The following TLL1 variants were observed in gnomAD, a reference collection of about 807,000 sequenced individuals.
TLL1 encodes tolloid-like protein 1.
In TLL1, 49 loss-of-function variants were observed where a neutral mutation model predicts 128.2. That is an observed-to-expected ratio of 0.38 (90% CI 0.30 to 0.48). The LOEUF is 0.48. Among genes scored for constraint, TLL1 ranks in the 20% least tolerant of loss-of-function variants. The pLI, the probability that TLL1 is intolerant of heterozygous loss-of-function variation, is 0.96. For missense variants in TLL1, 1,123 were observed against 1,242.0 expected (o/e 0.90, Z 1.44); for synonymous variants, 454 against 418.8 (o/e 1.08, Z -1.03).
intron 1 of TLL1, among the ~76,000 whole-genome samples, chr4:165,981,048 A>T (rs1736126367): frequency 6.6e-6 from 1 of 152,178 alleles, no homozygotes; most frequent in Non-Finnish European, 1.5e-5. Context: ...TTGGTGAACT[A>T]CTGTATTTCT....
intron 1 of TLL1, among the ~76,000 whole-genome samples, chr4:165,924,242 A>C (rs1175010053): frequency 6.6e-6 from 1 of 152,218 alleles, no homozygotes; most frequent in Non-Finnish European, 1.5e-5. Context: ...AGTATGTCCA[A>C]AGCCGAGATA....
chr4:166,039,298 A>G (rs758431533), intron 9 of TLL1, 41 bp from the exon 10 acceptor site: 1 of 1,407,364 alleles, frequency 7.1e-7, no homozygotes, highest in African/African-American at 1.4e-5. Flanking sequence ...ATGTAGATAC[A>G]ATCATTTTTA....
At chr4:165,874,174 G>A in intron 1 of TLL1, 101 bp downstream of exon 1, 1 of 1,431,152 alleles carries the variant, frequency 7.0e-7, no homozygotes, top group East Asian at 2.3e-5. Flanking sequence ...TCCCTCCCGC[G>A]TCAGCCCCTC....
At chr4:166,019,323 G>A (rs1332863001) in intron 8 of TLL1, among the ~76,000 whole-genome samples, 5 of 152,088 alleles carry the variant, frequency 3.3e-5, no homozygotes, top group East Asian at 1.9e-4. Context: ...GGTGGGAGGC[G>A]ACAAGGATTG....
intron 1 of TLL1, among the ~76,000 whole-genome samples, chr4:165,946,333 T>C (rs1419548892): frequency 2.0e-5 from 3 of 151,442 alleles, no homozygotes; most frequent in Non-Finnish European, 4.4e-5. Flanking sequence ...AGCCACTAAA[T>C]TTGTCATTCC....
intron 12 of TLL1, among the ~76,000 whole-genome samples, chr4:166,047,509 ATATAT>A (rs71974428): frequency 0.12 from 18,164 of 147,832 alleles, 1,197 homozygotes; most frequent in African/African-American, 0.18. Context: ...ATAATTAATA[ATATAT>A]TATATTATAT....
At chr4:165,877,790 C>CT (rs1258402944) in intron 1 of TLL1, among the ~76,000 whole-genome samples, 5 of 117,446 alleles carry the variant, frequency 4.3e-5, no homozygotes, top group African/African-American at 9.9e-5. Flanking sequence ...TTTTTTTTTT[C>CT]TTTTTTTGTA....
chr4:166,075,780 G>C (rs1740993997), intron 17 of TLL1, among the ~76,000 whole-genome samples: 1 of 152,126 alleles, frequency 6.6e-6, no homozygotes, highest in African/African-American at 2.4e-5. Flanking sequence ...ACATTGGAAG[G>C]TACCTGACTC....
chr4:166,035,628 A>AT (rs3047081), intron 9 of TLL1, among the ~76,000 whole-genome samples: 27 of 151,096 alleles, frequency 1.8e-4, no homozygotes, highest in Non-Finnish European at 3.1e-4. Flanking sequence ...AAAAAGTTGT[A>AT]TTTTTTTTTT....
chr4:165,998,797 C>CAA (rs965047713), intron 5 of TLL1, among the ~76,000 whole-genome samples: 21 of 134,766 alleles, frequency 1.6e-4, no homozygotes, highest in African/African-American at 4.9e-4. Flanking sequence ...ACTCTGTCTT[C>CAA]AAAAAAAAAA....
intron 5 of TLL1, among the ~76,000 whole-genome samples, chr4:165,996,851 A>G (rs1736905060): frequency 6.7e-6 from 1 of 149,752 alleles, no homozygotes; most frequent in Non-Finnish European, 1.5e-5. Context: ...ACATCTATAT[A>G]TATAATTCAT....
chr4:165,963,945 T>C (rs1191756103), intron 1 of TLL1, among the ~76,000 whole-genome samples: 1 of 152,290 alleles, frequency 6.6e-6, no homozygotes, highest in South Asian at 2.1e-4. Context: ...TGTTAAACCA[T>C]ATCTTTATGA....
At chr4:165,960,199 A>G (rs1214714469) in intron 1 of TLL1, among the ~76,000 whole-genome samples, 1 of 152,140 alleles carries the variant, frequency 6.6e-6, no homozygotes, top group African/African-American at 2.4e-5. Context: ...GACTATTATG[A>G]AACTCCTATG....
At chr4:165,903,774 TAATA>T (rs1392222409) in intron 1 of TLL1, among the ~76,000 whole-genome samples, 3 of 142,324 alleles carry the variant, frequency 2.1e-5, no homozygotes, top group Non-Finnish European at 4.7e-5. Context: ...CAAATAATAA[TAATA>T]AATAATAAGG....
intron 1 of TLL1, among the ~76,000 whole-genome samples, chr4:165,974,227 G>A (rs1368546138): frequency 8.8e-6 from 1 of 113,286 alleles, no homozygotes; most frequent in East Asian, 2.6e-4. Flanking sequence ...TGCAAGCTCC[G>A]CCTCCCGGGT....
chr4:166,053,438 C>A (rs1739851298), intron 12 of TLL1, among the ~76,000 whole-genome samples: 1 of 151,942 alleles, frequency 6.6e-6, no homozygotes, highest in South Asian at 2.1e-4. Context: ...ACCAGGAGGG[C>A]AAGGTTATTT....
At chr4:165,995,311 T>TA (rs954004284) in intron 5 of TLL1, 133 bp downstream of exon 5, 1 of 727,762 alleles carries the variant, frequency 1.4e-6, no homozygotes, top group African/African-American at 1.8e-5. Flanking sequence ...GGATTTTCCA[T>TA]AAAAATATTA....
At position 165,989,497 on chromosome 4, in the gene TLL1, G is replaced by C; in HGVS notation, c.280+6G>C. On this transcript the variant is annotated splice_donor_region_variant and intron_variant, in intron 2 of 20. Coordinates refer to ENST00000061240, the MANE Select transcript of TLL1 (RefSeq NM_012464.5). ...AAACCTTGGACATACCACAGGTATG[G>C]TTGATTGTTTCAGAAAATTTGTCTT... is the stretch of plus-strand genomic sequence containing the variant. The C allele has an allele frequency of 1.3e-6, 2 of 1,592,244 alleles. No homozygotes were observed. Among genetic ancestry groups the C allele is most frequent in the Non-Finnish European group, 1.7e-6 (2 of 1,160,764 alleles).
At chr4:165,875,615 G>A (rs1730691382) in intron 1 of TLL1, among the ~76,000 whole-genome samples, 2 of 152,202 alleles carry the variant, frequency 1.3e-5, no homozygotes, top group Admixed American at 6.5e-5. Context: ...GATTGCTGTG[G>A]TGGGTGACTA....
Sources: gnomAD v4.1 joint callset for allele counts (sites outside exome capture counted in the v4.1 genomes callset) on GRCh38, gnomAD v4.1.1 for gene constraint, MANE v1.5 for transcripts, NCBI Gene and HGNC (gene_info 2026-07-23, HGNC 2026-07-21) for gene names.